Variants in RORB observed in about 807,000 individuals in gnomAD.
RORB encodes RAR related orphan receptor B, also known as nuclear receptor ROR-beta.
Under a neutral mutation model 59.1 loss-of-function variants are expected in RORB, and 6 were observed. That is an observed-to-expected ratio of 0.10 (90% CI 0.06 to 0.20). RORB has a LOEUF of 0.20. Among genes scored for constraint, RORB ranks in the 10% least tolerant of loss-of-function variants. The probability of loss-of-function intolerance (pLI) is 1.00; values close to 1 mark genes in which losing one functional copy is unlikely to be tolerated. For synonymous variants in RORB, 215 were observed against 204.5 expected (o/e 1.05, Z -0.44); for missense variants, 320 against 560.5 (o/e 0.57, Z 4.33).
chr9:74,502,047 TAAATAAAAA>T (rs1280018053), intron 1 of RORB, among the ~76,000 whole-genome samples: 1 of 152,198 alleles, frequency 6.6e-6, no homozygotes, highest in African/African-American at 2.4e-5. Flanking sequence ...TCATTTAATA[TAAATAAAAA>T]CATTATTTTA....
At chr9:74,514,747 T>C (rs938584607) in intron 1 of RORB, among the ~76,000 whole-genome samples, 3 of 150,782 alleles carry the variant, frequency 2.0e-5, no homozygotes, top group East Asian at 1.9e-4. Flanking sequence ...CTCATCGAAC[T>C]TAGATATTGG....
chr9:74,628,381 G>T (rs865924459), intron 1 of RORB, among the ~76,000 whole-genome samples: 9 of 152,130 alleles, frequency 5.9e-5, no homozygotes, highest in Admixed American at 1.3e-4. Flanking sequence ...TTTTGTCTGT[G>T]TGGAAGTCAG....
At chr9:74,594,999 C>T (rs1822950520) in intron 1 of RORB, among the ~76,000 whole-genome samples, 1 of 152,122 alleles carries the variant, frequency 6.6e-6, no homozygotes, top group Admixed American at 6.5e-5. Flanking sequence ...GATGATAAAA[C>T]CCAGGCCCTA....
At chr9:74,592,386 C>A (rs1253149632) in intron 1 of RORB, among the ~76,000 whole-genome samples, 2 of 152,226 alleles carry the variant, frequency 1.3e-5, no homozygotes. Flanking sequence ...AGATTTCTCA[C>A]ATGGTTGACC....
At chr9:74,641,218 C>T (rs895369262) in intron 3 of RORB, among the ~76,000 whole-genome samples, 4 of 143,290 alleles carry the variant, frequency 2.8e-5, no homozygotes, top group African/African-American at 1.0e-4. Flanking sequence ...AGGATGTTCA[C>T]ATCCTAAAAA....
intron 1 of RORB, among the ~76,000 whole-genome samples, chr9:74,562,188 CTGTA>C (rs1563938133): frequency 6.6e-6 from 1 of 152,144 alleles, no homozygotes; most frequent in East Asian, 1.9e-4. Context: ...TACTCAAATG[CTGTA>C]TGTATTTCAG....
chr9:74,631,870 A>G (rs952395513), intron 2 of RORB, among the ~76,000 whole-genome samples: 4 of 152,180 alleles, frequency 2.6e-5, no homozygotes, highest in Non-Finnish European at 5.9e-5. Context: ...GCAATTTTTT[A>G]CCCTCCTTGA....
At chr9:74,681,641 GT>G (rs986859291) in intron 9 of RORB, among the ~76,000 whole-genome samples, 182 of 152,204 alleles carry the variant, frequency 1.2e-3, no homozygotes, top group African/African-American at 4.0e-3. Context: ...TTAAATCCCA[GT>G]TTTTTTCCCA....
intron 1 of RORB, among the ~76,000 whole-genome samples, chr9:74,561,698 A>C (rs1046155137): frequency 6.6e-6 from 1 of 152,182 alleles, no homozygotes; most frequent in African/African-American, 2.4e-5. Context: ...ACATAACCAG[A>C]ATACTGTGAT....
Position 74,660,693 on chromosome 9 carries a change from G to A in RORB, c.714G>A (p.Ala238=), listed in dbSNP as rs138739090. Residue 238 remains alanine (A), a synonymous_variant, in exon 5 of 10, where the codon GCG becomes GCA. Transcript: ENST00000376896. ...CCATGGAAGAGCTGCACCAGCTGGCGTGGCAGACCCACACCTATGAAGAAA... is the reference window on the plus strand; with the variant it reads ...CCATGGAAGAGCTGCACCAGCTGGCATGGCAGACCCACACCTATGAAGAAA... ...QYTMEELHQL[A]WQTHTYEEIK... The A allele has an allele frequency of 6.1e-4, 983 of 1,613,834 alleles. 2 individuals carry two copies. Among genetic ancestry groups the A allele is most frequent in the African/African-American group, 4.3e-3 (320 of 75,004 alleles).
chr9:74,598,363 C>T (rs547565591), intron 1 of RORB, among the ~76,000 whole-genome samples: 1 of 152,318 alleles, frequency 6.6e-6, no homozygotes, highest in East Asian at 1.9e-4. Context: ...AAGATCCTAA[C>T]AGCCCACTCT....
chr9:74,623,981 G>A (rs570162435), intron 1 of RORB, among the ~76,000 whole-genome samples: 3 of 152,244 alleles, frequency 2.0e-5, no homozygotes, highest in African/African-American at 7.2e-5. Flanking sequence ...AATTGCTGTC[G>A]TTATTTGTTG....
rs186666741 is a variant in RORB, at chr9:74,514,949, T to G, written c.7+16966T>G. On this transcript the variant is annotated intron_variant, in intron 1 of 9. Coordinates refer to ENST00000376896, the MANE Select transcript of RORB (RefSeq NM_006914.4). ...CCTCAAGTATAACTTCTGAACCCCT[T>G]GAGGTCAGACAGCTTTGAATCCTCA... is the stretch of plus-strand genomic sequence containing the variant. Among the ~76,000 whole-genome samples, 503 of 151,536 alleles carry G rather than the reference T, an allele frequency of 3.3e-3. 3 individuals are homozygous for G. Among genetic ancestry groups the G allele is most frequent in the Non-Finnish European group, 5.5e-3 (375 of 67,890 alleles).
rs992367655 is a variant in RORB at position 74,692,658 on chromosome 9, T to C, written c.*7040T>C. On this transcript the variant is annotated 3_prime_UTR_variant, in exon 10 of 10. Transcript: ENST00000376896. ...TTGCCACAAGTATGTAAAATAAAAA[T>C]ATTCACTCTAAAAAGAATAATAATT... is the stretch of plus-strand genomic sequence containing the variant. The C allele has an allele frequency of 2.6e-5, 4 of 152,156 alleles. No homozygotes were observed. Among genetic ancestry groups the C allele is most frequent in the Admixed American group, 2.6e-4 (4 of 15,272 alleles). 9.4% of individuals were successfully genotyped at this position (152,156 alleles called of 1,614,324 possible).
chr9:74,627,803 A>G (rs1451423752), intron 1 of RORB, among the ~76,000 whole-genome samples: 2 of 152,170 alleles, frequency 1.3e-5, no homozygotes, highest in Admixed American at 6.5e-5. Context: ...TTGCTAAAAA[A>G]AAAAACCATA....
intron 1 of RORB, among the ~76,000 whole-genome samples, chr9:74,504,486 T>C (rs919211891): frequency 2.6e-5 from 4 of 152,038 alleles, no homozygotes; most frequent in African/African-American, 9.7e-5. Context: ...AAAAATATGC[T>C]CTTATAAAAG....
At chr9:74,512,372 T>C (rs1825951093) in intron 1 of RORB, among the ~76,000 whole-genome samples, 1 of 152,192 alleles carries the variant, frequency 6.6e-6, no homozygotes, top group South Asian at 2.1e-4. Flanking sequence ...CTGTGGTAAA[T>C]GAAGAATCTC....
intron 1 of RORB, among the ~76,000 whole-genome samples, chr9:74,525,145 A>T (rs1175828534): frequency 6.6e-6 from 1 of 151,934 alleles, no homozygotes; most frequent in Non-Finnish European, 1.5e-5. Flanking sequence ...TAGACTCTTG[A>T]TTTTCAAAAA....
rs749024780 is a variant in RORB, at chr9:74,642,777, A to G, written c.599A>G (p.Asn200Ser). 1.2e-6 allele frequency: 2 copies of G among 1,608,118 alleles called. No individual in the cohort carries two copies. Among genetic ancestry groups the G allele is most frequent in the Non-Finnish European group, 1.7e-6 (2 of 1,175,536 alleles). ...TTGTTTACCTATAGCTCTTTCAACA[A>G]TGGGCAGTTAGCACCAGGGATAACC... ...PNLFTYSSFN[N>S]GQLAPGITMT... Residue 200 changes from asparagine to serine, a missense_variant, in exon 4 of 10, where the codon AAT becomes AGT. This residue lies in a region of RORB where 134 missense variants were observed against 156.2 expected (regional missense o/e 0.86). Coordinates refer to ENST00000376896, the MANE Select transcript of RORB (RefSeq NM_006914.4).
Sources: allele counts gnomAD v4.1 joint callset (sites outside exome capture counted in the v4.1 genomes callset), GRCh38; gene constraint gnomAD v4.1.1; regional missense constraint gnomAD v4.1.1; transcripts MANE v1.5; gene names NCBI Gene and HGNC (gene_info 2026-07-23, HGNC 2026-07-21).